The following C1orf141 variants were observed in gnomAD, a reference collection of about 807,000 sequenced individuals.
C1orf141 encodes the protein uncharacterized protein C1orf141.
In C1orf141, 19 loss-of-function variants were observed where a neutral mutation model predicts 23.2. The observed-to-expected ratio is 0.82, with a 90% confidence interval of 0.57 to 1.20. The LOEUF (loss-of-function observed/expected upper bound fraction) is 1.20. Ranked by LOEUF, C1orf141 falls within the 50% of genes most tolerant of loss-of-function variation. C1orf141 has a pLI of 0.00. For missense variants in C1orf141, 469 were observed against 455.1 expected, an observed-to-expected ratio of 1.03 and a Z score of -0.28; for synonymous variants, 153 against 154.6, an observed-to-expected ratio of 0.99 and a Z score of 0.08.
At position 67,095,270 on chromosome 1, in the gene C1orf141, T is replaced by C. The variant is rs770574419; in HGVS notation, c.568A>G (p.Asn190Asp). The stretch of plus-strand genomic sequence containing the variant: ...GTTACTGTCTTTGTTGGACTAACGT[T>C]GACTATCTTGGCATGTGGATTTTTC... ...ELKNPHAKIV[N>D]VSPTKTVTSH... Residue 190 changes from asparagine to aspartate, a missense_variant, in exon 7 of 8, where the codon AAC becomes GAC. Asn to Asp is a conservative substitution (Grantham distance 23). This residue lies in a region of C1orf141 where 370 missense variants were observed against 348.1 expected (regional missense o/e 1.06). Transcript: ENST00000684719. 1.9e-6 allele frequency: 3 copies of C among 1,597,998 alleles called. No individual in the cohort carries two copies. In the South Asian group the frequency reaches 3.4e-5, roughly 18 times the overall value.
intron 4 of C1orf141, among the ~76,000 whole-genome samples, chr1:67,125,533 A>C (rs1471973719): frequency 6.6e-6 from 1 of 152,170 alleles, no homozygotes; most frequent in African/African-American, 2.4e-5. Flanking sequence ...CCCCATCTCT[A>C]TAAAAAATAC....
chr1:67,140,823 C>T (rs1327352532), intron 1 of C1orf141, among the ~76,000 whole-genome samples: 1 of 151,984 alleles, frequency 6.6e-6, no homozygotes, highest in Non-Finnish European at 1.5e-5. Flanking sequence ...TATTATGTGT[C>T]AACAATTGCA....
chr1:67,103,135 A>T, intron 5 of C1orf141: 1 of 576,782 alleles, frequency 1.7e-6, no homozygotes, highest in Non-Finnish European at 2.8e-6. Context: ...TAGTATGATC[A>T]AAGACGAATA....
intron 4 of C1orf141, among the ~76,000 whole-genome samples, chr1:67,116,586 A>G (rs972238185): frequency 1.3e-5 from 2 of 151,984 alleles, no homozygotes; most frequent in Admixed American, 1.3e-4. Flanking sequence ...AAAATTCAAA[A>G]TGCTCCCTAA....
chr1:67,111,700 A>G (rs1158960500), intron 5 of C1orf141: 1 of 771,448 alleles, frequency 1.3e-6, no homozygotes, highest in Non-Finnish European at 2.0e-6. Flanking sequence ...AATTAAACCC[A>G]ATCAACCATT....
At chr1:67,126,097 C>A (rs1249562729) in intron 3 of C1orf141, among the ~76,000 whole-genome samples, 188 bp from the exon 4 acceptor site, 1 of 151,988 alleles carries the variant, frequency 6.6e-6, no homozygotes, top group African/African-American at 2.4e-5. Context: ...GTTTTTATGC[C>A]TTTGCTGTGT....
In C1orf141 at chr1:67,106,287, C is replaced by T. The variant is rs557361785; in HGVS notation, c.346+9065G>A. On this transcript the variant is annotated intron_variant, in intron 5 of 7. Transcript: ENST00000684719. ...ACCTAGTGTTAACATAAAAGATAAC[C>T]CAACAAGACCAAGCCTGAAATGACC... is the stretch of plus-strand genomic sequence containing the variant. Among the ~76,000 whole-genome samples the T allele has an allele frequency of 2.0e-5, 3 of 152,066 alleles. No individual in the cohort carries two copies. In the East Asian group the frequency reaches 5.8e-4, roughly 29 times the overall value.
rs11803348 is a variant in C1orf141 at position 67,092,461 on chromosome 1, A to G, written c.*544T>C. ...TTAAAGTTTGCAAAAACATTATATA[A>G]TAATGAAGTTCCAACAGCTACTAAT... is the stretch of plus-strand genomic sequence containing the variant. On this transcript the variant is annotated 3_prime_UTR_variant, in exon 8 of 8. Coordinates refer to ENST00000684719, the MANE Select transcript of C1orf141 (RefSeq NM_001276351.2). 0.1 allele frequency: 15,285 copies of G among 152,278 alleles called. 1,222 individuals are homozygous for G. The highest frequency in any genetic ancestry group is 0.22 in the African/African-American group (8,969 of 41,534). The allele number at this position is 152,278 out of a possible 1,614,324, so 9.4% of individuals were successfully genotyped here.
At chr1:67,133,178 G>A (rs537644900) in intron 1 of C1orf141, among the ~76,000 whole-genome samples, 1 of 152,144 alleles carries the variant, frequency 6.6e-6, no homozygotes, top group South Asian at 2.1e-4. Context: ...CAATATAATA[G>A]GCTCAGCTGA....
chr1:67,130,905 C>G (rs557901386), intron 2 of C1orf141, among the ~76,000 whole-genome samples: 1 of 152,188 alleles, frequency 6.6e-6, no homozygotes, highest in South Asian at 2.1e-4. Flanking sequence ...GATAAATGGC[C>G]CTGGGAAAAA....
chr1:67,103,253 AGT>A, intron 5 of C1orf141: 1 of 1,425,946 alleles, frequency 7.0e-7, no homozygotes, highest in South Asian at 1.5e-5. Context: ...AATAAAGTAG[AGT>A]CTTTTTCCTT....
chr1:67,098,115 C>A (rs1645723505), intron 5 of C1orf141, among the ~76,000 whole-genome samples: 1 of 152,130 alleles, frequency 6.6e-6, no homozygotes, highest in African/African-American at 2.4e-5. Flanking sequence ...TCTGGTCTGG[C>A]CTGAGGGTCA....
At chr1:67,100,574 G>A (rs916788424) in intron 5 of C1orf141, among the ~76,000 whole-genome samples, 5 of 152,002 alleles carry the variant, frequency 3.3e-5, no homozygotes, top group Admixed American at 2.6e-4. Flanking sequence ...GGTTCATGGG[G>A]TACAAATTCT....
intron 1 of C1orf141, among the ~76,000 whole-genome samples, chr1:67,141,633 T>G (rs1189732662): frequency 6.6e-6 from 1 of 152,016 alleles, no homozygotes; most frequent in Non-Finnish European, 1.5e-5. Flanking sequence ...GTGATGCATA[T>G]CTGCAGTCCA....
chr1:67,110,172 T>C (rs1570701235), intron 5 of C1orf141, among the ~76,000 whole-genome samples: 1 of 152,202 alleles, frequency 6.6e-6, no homozygotes, highest in South Asian at 2.1e-4. Flanking sequence ...TAAATAAATA[T>C]ATACTTGACC....
chr1:67,128,428 G>T (rs1484854818), intron 2 of C1orf141, among the ~76,000 whole-genome samples: 1 of 151,562 alleles, frequency 6.6e-6, no homozygotes, highest in African/African-American at 2.4e-5. Flanking sequence ...GATGGGTCAG[G>T]CACAGTGGCT....
At chr1:67,107,327 G>C (rs942622289) in intron 5 of C1orf141, among the ~76,000 whole-genome samples, 4 of 151,996 alleles carry the variant, frequency 2.6e-5, no homozygotes, top group Non-Finnish European at 5.9e-5. Flanking sequence ...AGAAGGAACA[G>C]AGAAACAAAA....
chr1:67,101,958 C>T (rs141174540), intron 5 of C1orf141, among the ~76,000 whole-genome samples: 154 of 152,198 alleles, frequency 1.0e-3, no homozygotes, highest in African/African-American at 3.6e-3. Flanking sequence ...TTGCCTACTT[C>T]ACAGTTCTTT....
At position 67,092,688 on chromosome 1, in the gene C1orf141, A is replaced by T; in HGVS notation, c.*317T>A. 1 of 178,902 alleles carries T rather than the reference A, an allele frequency of 5.6e-6. No homozygotes were observed. Among genetic ancestry groups the T allele is most frequent in the Admixed American group, 5.7e-5 (1 of 17,538 alleles). The allele number at this position is 178,902 out of a possible 1,614,324, so 11.1% of individuals were successfully genotyped here. The stretch of plus-strand genomic sequence containing the variant: ...TTGGCTTCCAACAGCGCATTTCCAG[A>T]GTCAGACTATGCCTTTCTTGGTCCT... On this transcript the variant is annotated 3_prime_UTR_variant, in exon 8 of 8. Transcript: ENST00000684719.
Sources: allele counts gnomAD v4.1 joint callset (sites outside exome capture counted in the v4.1 genomes callset), GRCh38; gene constraint gnomAD v4.1.1; regional missense constraint gnomAD v4.1.1; transcripts MANE v1.5; gene names NCBI Gene and HGNC (gene_info 2026-07-23, HGNC 2026-07-21).